The following BACH2 variants were observed in gnomAD, a reference collection of about 807,000 sequenced individuals.
The protein encoded by BACH2 is transcription regulator protein BACH2.
In BACH2, 5 loss-of-function variants were observed where a neutral mutation model predicts 61.8. The ratio of observed to expected loss-of-function variants is 0.08; its 90% CI spans 0.04 to 0.17. The LOEUF (loss-of-function observed/expected upper bound fraction) is 0.17. Ranked by LOEUF, BACH2 falls within the 10% of genes least tolerant of loss-of-function variation. BACH2 has a pLI of 1.00. For missense variants in BACH2, 824 were observed against 1,091.1 expected (o/e 0.76, Z 3.45); for synonymous variants, 446 against 440.1 (o/e 1.01, Z -0.17).
chr6:89,964,732 C>G (rs16882302), intron 6 of BACH2, among the ~76,000 whole-genome samples: 1 of 152,108 alleles, frequency 6.6e-6, no homozygotes, highest in South Asian at 2.1e-4. Context: ...TAATTCTGTA[C>G]ATGGGAATAG....
At chr6:90,219,198 T>A (rs1769652573) in intron 3 of BACH2, among the ~76,000 whole-genome samples, 1 of 152,216 alleles carries the variant, frequency 6.6e-6, no homozygotes, top group Non-Finnish European at 1.5e-5. Context: ...GTCTTTCTTG[T>A]AAGTGTATGC....
At chr6:90,198,762 T>G (rs145802011) in intron 4 of BACH2, among the ~76,000 whole-genome samples, 341 of 152,346 alleles carry the variant, frequency 2.2e-3, no homozygotes, top group African/African-American at 7.8e-3. Flanking sequence ...GTTCAGATTT[T>G]CAGCATAAGC....
intron 6 of BACH2, among the ~76,000 whole-genome samples, chr6:89,958,081 A>G (rs1011037630): frequency 6.6e-6 from 1 of 152,046 alleles, no homozygotes; most frequent in Non-Finnish European, 1.5e-5. Context: ...TCCTTCCCCT[A>G]TTTGTAAGTT....
intron 5 of BACH2, among the ~76,000 whole-genome samples, chr6:90,044,737 G>A (rs1392301667): frequency 1.3e-5 from 2 of 152,206 alleles, no homozygotes; most frequent in African/African-American, 4.8e-5. Flanking sequence ...TGGATTGGAT[G>A]TGGGGTGAGA....
At chr6:90,289,248 A>G (rs1282645097) in intron 1 of BACH2, among the ~76,000 whole-genome samples, 1 of 152,182 alleles carries the variant, frequency 6.6e-6, no homozygotes, top group African/African-American at 2.4e-5. Context: ...GAGCCATAAC[A>G]TGGTAAGAGA....
At chr6:89,966,071 A>G (rs72923939) in intron 6 of BACH2, among the ~76,000 whole-genome samples, 9,768 of 152,288 alleles carry the variant, frequency 0.064, 435 homozygotes, top group South Asian at 0.14. Context: ...TTCCTTGGCA[A>G]TAGAAATGGT....
At position 90,261,241 on chromosome 6, in the gene BACH2, T is replaced by C. The variant is rs1451692901; in HGVS notation, c.-352-8651A>G. Among the ~76,000 whole-genome samples the C allele has an allele frequency of 2.6e-5, 4 of 152,196 alleles. No individual in the cohort carries two copies. In the South Asian group the frequency reaches 6.2e-4, roughly 24 times the overall value. On this transcript the variant is annotated intron_variant, in intron 2 of 8. Coordinates refer to ENST00000257749, the MANE Select transcript of BACH2 (RefSeq NM_021813.4). The stretch of plus-strand genomic sequence containing the variant: ...GTCTAGCCCAAAGCTAATCTTGCCA[T>C]GTGTTCTAGCTTACGTGCCATCAGA...
At chr6:90,148,199 G>C (rs539811749) in intron 4 of BACH2, among the ~76,000 whole-genome samples, 5 of 152,132 alleles carry the variant, frequency 3.3e-5, no homozygotes, top group Admixed American at 3.3e-4. Flanking sequence ...AAAAACATAG[G>C]AGACTTGGAG....
At chr6:90,246,511 A>AGTACAGTG (rs1279538518) in intron 3 of BACH2, among the ~76,000 whole-genome samples, 2 of 152,196 alleles carry the variant, frequency 1.3e-5, no homozygotes, top group Non-Finnish European at 2.9e-5. Context: ...TGTCTAATGT[A>AGTACAGTG]GTACAGTGTA....
chr6:90,241,290 G>C (rs897040236), intron 3 of BACH2, among the ~76,000 whole-genome samples: 2 of 151,970 alleles, frequency 1.3e-5, no homozygotes, highest in Admixed American at 6.6e-5. Flanking sequence ...TAGCCTGTAG[G>C]GTGGTGGTAT....
chr6:90,009,680 T>A (rs993220523), intron 5 of BACH2, among the ~76,000 whole-genome samples: 1 of 152,242 alleles, frequency 6.6e-6, no homozygotes, highest in Non-Finnish European at 1.5e-5. Flanking sequence ...TTCTTTTTTT[T>A]GAGAGGGAGT....
At chr6:90,092,614 C>CATAAA (rs1272016468) in intron 4 of BACH2, among the ~76,000 whole-genome samples, 1 of 151,872 alleles carries the variant, frequency 6.6e-6, no homozygotes, top group African/African-American at 2.4e-5. Context: ...ATAAGACATA[C>CATAAA]ATAAAATATT....
chr6:90,171,913 C>G (rs1377529002), intron 4 of BACH2, among the ~76,000 whole-genome samples: 4 of 151,920 alleles, frequency 2.6e-5, no homozygotes, highest in Non-Finnish European at 4.4e-5. Flanking sequence ...AGTCCAATAC[C>G]AAAATAGATG....
chr6:90,289,195 A>G (rs1418514825), intron 1 of BACH2, among the ~76,000 whole-genome samples: 1 of 152,206 alleles, frequency 6.6e-6, no homozygotes, highest in Non-Finnish European at 1.5e-5. Context: ...GGGAACTGCT[A>G]AAGAGAGTTC....
intron 4 of BACH2, among the ~76,000 whole-genome samples, chr6:90,096,350 T>G (rs545900186): frequency 2.6e-5 from 4 of 152,318 alleles, no homozygotes; most frequent in Admixed American, 2.6e-4. Context: ...AATATGTCAC[T>G]TGCAGAGACA....
At chr6:90,224,927 G>C (rs916532012) in intron 3 of BACH2, among the ~76,000 whole-genome samples, 3 of 152,148 alleles carry the variant, frequency 2.0e-5, no homozygotes, top group Admixed American at 6.5e-5. Context: ...CAGATTCTCT[G>C]GTGAGTTAGA....
chr6:89,949,505 G>A (rs949513613), intron 7 of BACH2, among the ~76,000 whole-genome samples: 2 of 152,124 alleles, frequency 1.3e-5, no homozygotes, highest in African/African-American at 4.8e-5. Context: ...TGTGGCTGCT[G>A]TTGCCCCTGT....
chr6:90,014,468 A>ATATTTT (rs1222156456), intron 5 of BACH2, among the ~76,000 whole-genome samples: 1 of 32,306 alleles, frequency 3.1e-5, no homozygotes, highest in Non-Finnish European at 4.7e-5. Flanking sequence ...ATATATATAT[A>ATATTTT]TTTTTTTTTT....
chr6:90,174,821 T>C (rs896537072), intron 4 of BACH2, among the ~76,000 whole-genome samples: 10 of 151,974 alleles, frequency 6.6e-5, no homozygotes, highest in Non-Finnish European at 1.5e-5. Context: ...AAATAATCAG[T>C]ATGATTCTAT....
Sources: allele counts gnomAD v4.1 joint callset (sites outside exome capture counted in the v4.1 genomes callset), GRCh38; gene constraint gnomAD v4.1.1; transcripts MANE v1.5; gene names NCBI Gene and HGNC (gene_info 2026-07-23, HGNC 2026-07-21).